SUGCT: variants seen among roughly 807,000 people sequenced by gnomAD.
SUGCT encodes the protein succinyl-CoA:glutarate CoA-transferase.
SUGCT carries 41 observed loss-of-function variants against 55.0 expected under a neutral mutation model. The ratio of observed to expected loss-of-function variants is 0.74; its 90% CI spans 0.58 to 0.97. The LOEUF (loss-of-function observed/expected upper bound fraction) is 0.97. Among genes scored for constraint, SUGCT ranks in the 50% least tolerant of loss-of-function variants. SUGCT has a pLI of 0.00. For missense variants in SUGCT, 568 were observed against 547.8 expected, an observed-to-expected ratio of 1.04 and a Z score of -0.37; for synonymous variants, 187 against 200.4, an observed-to-expected ratio of 0.93 and a Z score of 0.56.
intron 10 of SUGCT, among the ~76,000 whole-genome samples, 195 bp from the exon 11 acceptor site, chr7:40,458,906 T>C (rs1583731368): frequency 6.6e-6 from 1 of 152,188 alleles, no homozygotes; most frequent in African/African-American, 2.4e-5. Context: ...AAGCCTCTTA[T>C]GAATGACAAA....
intron 1 of SUGCT, among the ~76,000 whole-genome samples, chr7:40,173,315 C>T (rs570766581): frequency 4.6e-5 from 7 of 152,342 alleles, no homozygotes; most frequent in East Asian, 3.9e-4. Context: ...AGAAACACAG[C>T]GGACACCCTG....
At chr7:40,551,419 A>C (rs1305962770) in intron 12 of SUGCT, among the ~76,000 whole-genome samples, 7 of 152,260 alleles carry the variant, frequency 4.6e-5, no homozygotes, top group South Asian at 4.1e-4. Flanking sequence ...CTATACTCAC[A>C]TATAACTTTA....
the SUGCT span, among the ~76,000 whole-genome samples, chr7:40,896,831 C>G: frequency 1.3e-5 from 2 of 152,192 alleles, no homozygotes; most frequent in African/African-American, 4.8e-5. Flanking sequence ...ATTCCAATGT[C>G]ATTTTCCACA....
chr7:40,601,326 A>G (rs1487637764), intron 12 of SUGCT, among the ~76,000 whole-genome samples: 2 of 152,308 alleles, frequency 1.3e-5, no homozygotes, highest in East Asian at 3.9e-4. Flanking sequence ...TGATTGGCAA[A>G]GGGAGAGATC....
At chr7:40,814,212 T>C (rs1218178228) in intron 13 of SUGCT, among the ~76,000 whole-genome samples, 1 of 152,062 alleles carries the variant, frequency 6.6e-6, no homozygotes, top group Non-Finnish European at 1.5e-5. Flanking sequence ...TGGCAGGTGT[T>C]CTCTGGATTT....
At chr7:40,742,091 G>A (rs1021503359) in intron 12 of SUGCT, among the ~76,000 whole-genome samples, 2 of 152,058 alleles carry the variant, frequency 1.3e-5, no homozygotes, top group African/African-American at 2.4e-5. Context: ...ATATACGTGT[G>A]TGTATATTAT....
intron 12 of SUGCT, among the ~76,000 whole-genome samples, chr7:40,707,857 T>G (rs1785502851): frequency 6.6e-6 from 1 of 152,216 alleles, no homozygotes; most frequent in African/African-American, 2.4e-5. Flanking sequence ...TTGTTAAAAC[T>G]TGGTTGTAAT....
At chr7:40,602,840 T>G (rs368918895) in intron 12 of SUGCT, among the ~76,000 whole-genome samples, 1 of 152,280 alleles carries the variant, frequency 6.6e-6, no homozygotes, top group Admixed American at 6.5e-5. Context: ...TCCTAGACAT[T>G]ATTCATAGTA....
the SUGCT span, among the ~76,000 whole-genome samples, chr7:40,900,241 GC>G: frequency 6.6e-6 from 1 of 152,210 alleles, no homozygotes. Context: ...TCTTGCTGAA[GC>G]CACATTTCTA....
chr7:40,564,099 C>T lies in SUGCT; in HGVS notation c.1089+67713C>T, dbSNP rs567006311. 2.9e-4 allele frequency among the ~76,000 whole-genome samples: 44 copies of T among 152,250 alleles called. 2 individuals are homozygous for T. In the South Asian group the frequency reaches 7.9e-3, roughly 27 times the overall value. On this transcript the variant is annotated intron_variant, in intron 12 of 13. Transcript: ENST00000335693. ...AAAAATATGCAACGTCTTGGCCGGGCGCCATGGCTCACGCCTGTAATCCCA... is the reference window on the plus strand; with the variant it reads ...AAAAATATGCAACGTCTTGGCCGGGTGCCATGGCTCACGCCTGTAATCCCA...
At chr7:40,706,898 A>G (rs1785440803) in intron 12 of SUGCT, among the ~76,000 whole-genome samples, 1 of 151,956 alleles carries the variant, frequency 6.6e-6, no homozygotes, top group Non-Finnish European at 1.5e-5. Context: ...TAGTTCCCAG[A>G]CTCTCACTTT....
At chr7:40,488,750 A>G (rs1321395068) in intron 11 of SUGCT, among the ~76,000 whole-genome samples, 1 of 152,018 alleles carries the variant, frequency 6.6e-6, no homozygotes, top group Non-Finnish European at 1.5e-5. Flanking sequence ...TTCCTGGTTG[A>G]TGGTTATTTT....
At chr7:40,436,687 A>G (rs1033401005) in intron 9 of SUGCT, among the ~76,000 whole-genome samples, 2 of 152,180 alleles carry the variant, frequency 1.3e-5, no homozygotes, top group Admixed American at 1.3e-4. Flanking sequence ...CATGTTTGAG[A>G]TACAACAAAG....
intron 9 of SUGCT, among the ~76,000 whole-genome samples, chr7:40,362,805 T>C (rs913660243): frequency 3.3e-5 from 5 of 152,168 alleles, no homozygotes; most frequent in Non-Finnish European, 5.9e-5. Context: ...GATCTAATTT[T>C]GGAAAAAAAT....
At chr7:40,256,853 C>T (rs183318731) in intron 7 of SUGCT, among the ~76,000 whole-genome samples, 51 of 152,210 alleles carry the variant, frequency 3.4e-4, no homozygotes, top group African/African-American at 1.1e-3. Flanking sequence ...AAGTGATTCT[C>T]TTGCTCTGGC....
At chr7:40,674,449 C>T (rs569223484) in intron 12 of SUGCT, among the ~76,000 whole-genome samples, 2 of 152,294 alleles carry the variant, frequency 1.3e-5, no homozygotes, top group South Asian at 4.1e-4. Flanking sequence ...TACTGAAATA[C>T]TCATGAAGAC....
the SUGCT span, among the ~76,000 whole-genome samples, chr7:40,960,732 A>G: frequency 1.3e-5 from 2 of 152,230 alleles, no homozygotes; most frequent in Non-Finnish European, 2.9e-5. Flanking sequence ...AAAATGAGAA[A>G]TATTTCATAT....
chr7:40,588,443 C>T (rs1797524488), intron 12 of SUGCT, among the ~76,000 whole-genome samples: 1 of 152,090 alleles, frequency 6.6e-6, no homozygotes, highest in Non-Finnish European at 1.5e-5. Flanking sequence ...AAAGTATTAA[C>T]TCTCCTGGTC....
intron 12 of SUGCT, among the ~76,000 whole-genome samples, chr7:40,585,356 T>C (rs1221057786): frequency 2.0e-5 from 3 of 152,222 alleles, no homozygotes; most frequent in Non-Finnish European, 4.4e-5. Flanking sequence ...GTTTCGTTGT[T>C]GTCGTCTTTG....
Sources: allele counts gnomAD v4.1 joint callset (sites outside exome capture counted in the v4.1 genomes callset), GRCh38; gene constraint gnomAD v4.1.1; transcripts MANE v1.5; gene names NCBI Gene and HGNC (gene_info 2026-07-23, HGNC 2026-07-21).